Variants in ZNF382 observed in about 807,000 individuals in gnomAD.
ZNF382 encodes the protein zinc finger protein 382.
Under a neutral mutation model 38.8 loss-of-function variants are expected in ZNF382, and 20 were observed. The ratio of observed to expected loss-of-function variants is 0.51; its 90% confidence interval spans 0.36 to 0.75. The LOEUF (loss-of-function observed/expected upper bound fraction) is 0.75. Among genes scored for constraint, ZNF382 ranks in the 30% least tolerant of loss-of-function variants. The pLI is 0.00. For missense variants in ZNF382, 546 were observed against 654.1 expected, an observed-to-expected ratio of 0.83 and a Z score of 1.80; for synonymous variants, 202 against 223.1, an observed-to-expected ratio of 0.91 and a Z score of 0.84.
chr19:36,613,034 GC>G (rs1231425335), intron 4 of ZNF382, among the ~76,000 whole-genome samples: 1 of 151,936 alleles, frequency 6.6e-6, no homozygotes, highest in Non-Finnish European at 1.5e-5. Flanking sequence ...CTTGTCATCC[GC>G]CCACCTTGGC....
At chr19:36,608,667 C>T (rs1420706426) in intron 2 of ZNF382, 1 of 152,244 alleles carries the variant, frequency 6.6e-6, no homozygotes, top group East Asian at 1.9e-4. Context: ...CCTCTCCACT[C>T]TAGACCTCTG....
rs371799404 is a variant in ZNF382 at position 36,610,733 on chromosome 19, A to C, written c.223A>C (p.Ser75Arg). The C allele has an allele frequency of 6.2e-7, 1 of 1,612,300 alleles. No homozygotes were observed. Among genetic ancestry groups the C allele is most frequent in the Non-Finnish European group, 8.5e-7 (1 of 1,178,714 alleles). The change falls in exon 4 of 5, where the codon AGC becomes CGC. Residue 75 changes from serine (S) to arginine (R), a missense_variant. Physicochemically the swap from Ser to Arg is moderately radical, Grantham distance 110. Transcript: ENST00000292928. Reference protein sequence around the residue: ...LWTQRIFPSYSYLEEDGKTED... With the variant: ...LWTQRIFPSYRYLEEDGKTED... The stretch of plus-strand genomic sequence containing the variant: ...GACACAGAGAATTTTTCCAAGTTAC[A>C]GCTACCTAGGTGAGTCTATAAATGA...
chr19:36,610,948 T>C (rs1429883819), intron 4 of ZNF382, among the ~76,000 whole-genome samples: 2 of 152,154 alleles, frequency 1.3e-5, no homozygotes, highest in Non-Finnish European at 2.9e-5. Flanking sequence ...CCAGAACTAT[T>C]CATCTTGCAA....
intron 4 of ZNF382, among the ~76,000 whole-genome samples, chr19:36,619,030 AATAAATAAATAAATAC>A (rs1222171842): frequency 2.0e-5 from 3 of 152,190 alleles, no homozygotes; most frequent in Non-Finnish European, 4.4e-5. Context: ...TGTCTCCAAA[AATAAATAAATAAATAC>A]ATAAATAAAT....
chr19:36,607,483 A>T (rs867020117), intron 1 of ZNF382, 69 bp from the exon 2 acceptor site: 1 of 907,060 alleles, frequency 1.1e-6, no homozygotes, highest in Non-Finnish European at 1.7e-6. Context: ...GATTTAACTG[A>T]GTTAATTCTG....
chr19:36,621,330 T>C (rs936629940), intron 4 of ZNF382, among the ~76,000 whole-genome samples: 1 of 150,682 alleles, frequency 6.6e-6, no homozygotes, highest in African/African-American at 2.4e-5. Context: ...CCTAGTTTTT[T>C]TTTTTTTTTT....
intron 4 of ZNF382, among the ~76,000 whole-genome samples, chr19:36,623,392 C>G (rs1186108669): frequency 6.6e-6 from 1 of 152,044 alleles, no homozygotes; most frequent in African/African-American, 2.4e-5. Context: ...ATAGAATGAT[C>G]GTGTTAAAAT....
chr19:36,607,532 C>T lies in ZNF382; in HGVS notation c.-84-20C>T. 2 of 1,425,904 alleles carry T rather than the reference C, an allele frequency of 1.4e-6. No individual in the cohort carries two copies. Among genetic ancestry groups the T allele is most frequent in the Admixed American group, 4.0e-5 (2 of 50,508 alleles). The allele number at this position is 1,425,904 out of a possible 1,614,324, so 88.3% of individuals were successfully genotyped here. A position where few individuals can be genotyped will look rare whatever the true frequency, so the allele number is the denominator to read the frequency against. On this transcript the variant is annotated intron_variant, in intron 1 of 4. Coordinates refer to ENST00000292928, the MANE Select transcript of ZNF382 (RefSeq NM_032825.5). ...AAGTATGGTCTCACATACGTATATC[C>T]TCCATCTTTGCTTTCTCAGGACTGT...
intron 1 of ZNF382, among the ~76,000 whole-genome samples, chr19:36,607,322 G>C (rs929304671): frequency 6.6e-6 from 1 of 152,084 alleles, no homozygotes; most frequent in African/African-American, 2.4e-5. Context: ...AGCTAAAACA[G>C]GTTCCCCAGA....
Position 36,629,663 on chromosome 19 carries a change from T to C in ZNF382, c.*2113T>C, listed in dbSNP as rs1290065745. 2 of 152,164 alleles carry C rather than the reference T, an allele frequency of 1.3e-5. No individual in the cohort carries two copies. The highest frequency in any genetic ancestry group is 6.5e-5 in the Admixed American group (1 of 15,272). 9.4% of individuals were successfully genotyped at this position (152,164 alleles called of 1,614,324 possible). A position where few individuals can be genotyped will look rare whatever the true frequency, so the allele number is the denominator to read the frequency against. On this transcript the variant is annotated 3_prime_UTR_variant, in exon 5 of 5. Transcript: ENST00000292928. ...TAAAAATAAAGGTATAAGCCTGGGC[T>C]TGGTGGCTCATTTCTGTAATCCCAG... is the stretch of plus-strand genomic sequence containing the variant.
At position 36,613,089 on chromosome 19, in the gene ZNF382, C is replaced by A. The variant is rs183684977; in HGVS notation, c.232+2347C>A. 5.3e-5 allele frequency among the ~76,000 whole-genome samples: 8 copies of A among 152,282 alleles called. No homozygotes were observed. The East Asian group carries it at 1.4e-3, about 26-fold the overall frequency. On this transcript the variant is annotated intron_variant, in intron 4 of 4. Coordinates refer to ENST00000292928, the MANE Select transcript of ZNF382 (RefSeq NM_032825.5). ...TACAGGCGTGAGCCACTGCACCTGGCCCTGTTCAAATGTTTTATCCATCTT... is the reference window on the plus strand; with the variant it reads ...TACAGGCGTGAGCCACTGCACCTGGACCTGTTCAAATGTTTTATCCATCTT...
intron 4 of ZNF382, among the ~76,000 whole-genome samples, chr19:36,615,993 T>G (rs2037123116): frequency 6.6e-6 from 1 of 152,242 alleles, no homozygotes; most frequent in African/African-American, 2.4e-5. Context: ...TTTGGGTTAG[T>G]TCCTACATTT....
At chr19:36,616,801 AG>A (rs2037129275) in intron 4 of ZNF382, among the ~76,000 whole-genome samples, 1 of 152,100 alleles carries the variant, frequency 6.6e-6, no homozygotes, top group African/African-American at 2.4e-5. Context: ...TCTCAGCTGC[AG>A]GTAGTTTCTT....
intron 4 of ZNF382, among the ~76,000 whole-genome samples, chr19:36,621,882 G>A (rs1281844101): frequency 6.6e-6 from 1 of 152,098 alleles, no homozygotes; most frequent in Non-Finnish European, 1.5e-5. Context: ...TTCCTTATAT[G>A]ATGGATACTA....
intron 4 of ZNF382, among the ~76,000 whole-genome samples, chr19:36,615,573 A>T (rs562976809): frequency 3.9e-5 from 6 of 152,310 alleles, no homozygotes; most frequent in African/African-American, 1.4e-4. Context: ...GTTCATGAAA[A>T]TTTTATAATA....
rs1027435583 is a variant in ZNF382 at position 36,630,264 on chromosome 19, G to T, written c.*2714G>T. 2.6e-5 allele frequency: 4 copies of T among 152,080 alleles called. No individual in the cohort carries two copies. The highest frequency in any genetic ancestry group is 9.7e-5 in the African/African-American group (4 of 41,412). The allele number at this position is 152,080 out of a possible 1,614,324, so 9.4% of individuals were successfully genotyped here. ...CGTGCTGTCATTTCTCAACAAAGGC[G>T]CAGAGAGAAATCAAGGTATGGAATC... On this transcript the variant is annotated 3_prime_UTR_variant, in exon 5 of 5. Coordinates refer to ENST00000292928, the MANE Select transcript of ZNF382 (RefSeq NM_032825.5).
chr19:36,609,764 A>G, intron 2 of ZNF382, 138 bp from the exon 3 acceptor site: 2 of 782,974 alleles, frequency 2.6e-6, no homozygotes, highest in Non-Finnish European at 1.9e-6. Context: ...ATGAGATTAT[A>G]AGTAAATACA....
rs1271282876 is a variant in ZNF382 at position 36,629,508 on chromosome 19, C to G, written c.*1958C>G. 2 of 152,154 alleles carry G rather than the reference C, an allele frequency of 1.3e-5. No homozygotes were observed. The highest frequency in any genetic ancestry group is 4.8e-5 in the African/African-American group (2 of 41,436). 9.4% of individuals were successfully genotyped at this position (152,154 alleles called of 1,614,324 possible). A position where few individuals can be genotyped will look rare whatever the true frequency, so the allele number is the denominator to read the frequency against. ...GCCCAGCTGAGGCCTTCCCAAATTC[C>G]TGGCCAACAAAATCATCAGGCTTTT... On this transcript the variant is annotated 3_prime_UTR_variant, in exon 5 of 5. Coordinates refer to ENST00000292928, the MANE Select transcript of ZNF382 (RefSeq NM_032825.5).
Position 36,630,302 on chromosome 19 carries a change from G to C in ZNF382, c.*2752G>C, listed in dbSNP as rs1050270805. The C allele has an allele frequency of 2.6e-5, 4 of 152,006 alleles. No individual in the cohort carries two copies. The highest frequency in any genetic ancestry group is 5.9e-5 in the Non-Finnish European group (4 of 68,012). 9.4% of individuals were successfully genotyped at this position (152,006 alleles called of 1,614,324 possible). A position where few individuals can be genotyped will look rare whatever the true frequency, so the allele number is the denominator to read the frequency against. On this transcript the variant is annotated 3_prime_UTR_variant, in exon 5 of 5. Coordinates refer to ENST00000292928, the MANE Select transcript of ZNF382 (RefSeq NM_032825.5). ...AAGGTATGGAATCTAATGAATGTCCGTGAAGGAGGTACTTTTGAATGCTTT... is the reference window on the plus strand; with the variant it reads ...AAGGTATGGAATCTAATGAATGTCCCTGAAGGAGGTACTTTTGAATGCTTT...
Sources: gnomAD v4.1 joint callset for allele counts (sites outside exome capture counted in the v4.1 genomes callset) on GRCh38, gnomAD v4.1.1 for gene constraint, MANE v1.5 for transcripts, NCBI Gene and HGNC (gene_info 2026-07-23, HGNC 2026-07-21) for gene names.